SCAF8: variants seen among roughly 807,000 people sequenced by gnomAD.
SCAF8 encodes the protein SR-related and CTD-associated factor 8.
A neutral mutation model predicts 140.5 loss-of-function variants in SCAF8; 23 were observed. The ratio of observed to expected loss-of-function variants is 0.16; its 90% CI spans 0.12 to 0.23. The LOEUF (loss-of-function observed/expected upper bound fraction) is 0.23. Ranked by LOEUF, SCAF8 falls within the 10% of genes least tolerant of loss-of-function variation. The probability of loss-of-function intolerance (pLI) is 1.00; values close to 1 mark genes in which losing one functional copy is unlikely to be tolerated. For synonymous variants in SCAF8, 575 were observed against 528.9 expected (o/e 1.09, Z -1.20); for missense variants, 1,397 against 1,555.7 (o/e 0.90, Z 1.72).
chr6:154,829,332 G>A (rs976087336), intron 18 of SCAF8, among the ~76,000 whole-genome samples: 2 of 150,648 alleles, frequency 1.3e-5, no homozygotes, highest in Non-Finnish European at 1.5e-5. Flanking sequence ...CAAAAGTAAT[G>A]TAATGCAACA....
intron 1 of SCAF8, among the ~76,000 whole-genome samples, chr6:154,766,371 ATTC>A (rs761058175): frequency 6.6e-6 from 1 of 152,142 alleles, no homozygotes; most frequent in East Asian, 1.9e-4. Context: ...CATGGCACCA[ATTC>A]TTCTTCCACC....
intron 3 of SCAF8, among the ~76,000 whole-genome samples, chr6:154,787,565 A>G (rs1777289540): frequency 6.6e-6 from 1 of 152,184 alleles, no homozygotes; most frequent in Non-Finnish European, 1.5e-5. Flanking sequence ...AGCTTTTCAC[A>G]GTGGTTAAAC....
intron 17 of SCAF8, 21 bp from the exon 18 acceptor site, chr6:154,827,151 G>C (rs1356710841): frequency 6.3e-7 from 1 of 1,581,818 alleles, no homozygotes; most frequent in Non-Finnish European, 8.6e-7. Flanking sequence ...GCTATTTTTT[G>C]GGGTTTTTTT....
At chr6:154,825,940 A>G (rs1240417250) in intron 17 of SCAF8, among the ~76,000 whole-genome samples, 1 of 152,202 alleles carries the variant, frequency 6.6e-6, no homozygotes, top group Non-Finnish European at 1.5e-5. Flanking sequence ...TTAGGTCAAA[A>G]CAATATATAT....
chr6:154,790,571 T>C (rs939877350), intron 4 of SCAF8, among the ~76,000 whole-genome samples: 2 of 136,200 alleles, frequency 1.5e-5, no homozygotes, highest in Non-Finnish European at 3.0e-5. Flanking sequence ...AGTGCAGTGG[T>C]GTAATCTCGG....
At chr6:154,808,848 G>T in intron 11 of SCAF8, 50 bp downstream of exon 11, 1 of 1,247,940 alleles carries the variant, frequency 8.0e-7, no homozygotes. Flanking sequence ...TAAAATGTTG[G>T]CTTTATTTCT....
chr6:154,771,511 G>A (rs1351839695), intron 1 of SCAF8, among the ~76,000 whole-genome samples: 1 of 152,134 alleles, frequency 6.6e-6, no homozygotes, highest in Non-Finnish European at 1.5e-5. Flanking sequence ...AGGTTTTTTT[G>A]TATTTATCCA....
At chr6:154,816,575 T>C (rs1056167258) in intron 13 of SCAF8, among the ~76,000 whole-genome samples, 11 of 152,112 alleles carry the variant, frequency 7.2e-5, no homozygotes, top group South Asian at 2.1e-4. Flanking sequence ...GGGAGACATT[T>C]ATCCATCCAT....
intron 1 of SCAF8, among the ~76,000 whole-genome samples, chr6:154,764,514 A>C (rs1776506129): frequency 6.6e-6 from 1 of 152,194 alleles, no homozygotes; most frequent in Admixed American, 6.5e-5. Flanking sequence ...GCATTTAGGA[A>C]GTTCAGAGAG....
At chr6:154,773,495 T>C (rs1776831647) in intron 1 of SCAF8, among the ~76,000 whole-genome samples, 1 of 152,234 alleles carries the variant, frequency 6.6e-6, no homozygotes, top group Non-Finnish European at 1.5e-5. Flanking sequence ...GAATTTTATG[T>C]GAATAGGGCT....
At chr6:154,748,951 CTT>C (rs36071825) in intron 1 of SCAF8, among the ~76,000 whole-genome samples, 4 of 151,562 alleles carry the variant, frequency 2.6e-5, no homozygotes, top group African/African-American at 7.3e-5. Flanking sequence ...AATAAAATGT[CTT>C]TTTTTTTGAG....
chr6:154,762,152 A>G (rs1776421179), intron 1 of SCAF8, among the ~76,000 whole-genome samples: 1 of 152,228 alleles, frequency 6.6e-6, no homozygotes, highest in South Asian at 2.1e-4. Flanking sequence ...TTGCTGTGTA[A>G]CAAATTGTCA....
At chr6:154,795,279 T>TA in intron 6 of SCAF8, 140 bp downstream of exon 6, 1 of 633,194 alleles carries the variant, frequency 1.6e-6, no homozygotes, top group Non-Finnish European at 2.5e-6. Flanking sequence ...CTTTGTTACT[T>TA]ACTTAAGTCA....
Position 154,795,032 on chromosome 6 carries a change from C to T in SCAF8, c.499C>T (p.Pro167Ser). The T allele has an allele frequency of 8.7e-6, 14 of 1,607,238 alleles. No homozygotes were observed. The highest frequency in any genetic ancestry group is 1.2e-5 in the Non-Finnish European group (14 of 1,177,864). Reference protein sequence around the residue: ...TPGTPVTPVTPANVVQGLPDP... With the variant: ...TPGTPVTPVTSANVVQGLPDP... ...AGGAACTCCTGTGACACCTGTTACT[C>T]CGGCCAATGTGGTCCAAGGCTTACC... Residue 167 changes from proline to serine, a missense_variant, in exon 6 of 20, where the codon CCG becomes TCG. Pro to Ser is a moderately conservative substitution (Grantham distance 74). Around this residue, in one of 5 missense-constraint regions of SCAF8, gnomAD observed 339 missense variants for 407.5 expected, o/e 0.83. Transcript: ENST00000367178.
chr6:154,799,004 A>G (rs921355339), intron 6 of SCAF8, among the ~76,000 whole-genome samples: 1 of 150,332 alleles, frequency 6.7e-6, no homozygotes, highest in African/African-American at 2.4e-5. Flanking sequence ...ATTTTTTGAC[A>G]TGGAGTCTTA....
At position 154,795,159 on chromosome 6, in the gene SCAF8, T is replaced by C. The variant is rs1472294357; in HGVS notation, c.606+20T>C. On this transcript the variant is annotated intron_variant, in intron 6 of 19. Transcript: ENST00000367178. ...CAGCAGGTGAGCGGTTTTTCTGTTA[T>C]ATCAAGAATAATTTAGAATTTAATA... The C allele has an allele frequency of 1.9e-6, 3 of 1,585,860 alleles. No homozygotes were observed. The highest frequency in any genetic ancestry group is 2.6e-6 in the Non-Finnish European group (3 of 1,169,652).
In SCAF8 at chr6:154,833,198, A is replaced by G; in HGVS notation, c.3619A>G (p.Lys1207Glu). 1 of 1,614,086 alleles carries G rather than the reference A, an allele frequency of 6.2e-7. No homozygotes were observed. The highest frequency in any genetic ancestry group is 8.5e-7 in the Non-Finnish European group (1 of 1,179,988). ...DYFEGATSQR[K>E]GDNVPQVNGE... The stretch of plus-strand genomic sequence containing the variant: ...TTTTGAAGGGGCCACTTCTCAACGA[A>G]AAGGTGATAATGTGCCTCAGGTTAA... Residue 1207 changes from lysine (K) to glutamate (E), a missense_variant, in exon 20 of 20, where the codon AAA (lysine) becomes GAA (glutamate). Lys to Glu is a moderately conservative substitution (Grantham distance 56). Around this residue, in one of 5 missense-constraint regions of SCAF8, gnomAD observed 930 missense variants for 874.6 expected, o/e 1.06. Transcript: ENST00000367178.
At position 154,733,908 on chromosome 6, in the gene SCAF8, C is replaced by T. The variant is rs765650124; in HGVS notation, c.8C>T (p.Ala3Val). The T allele has an allele frequency of 1.3e-6, 2 of 1,542,510 alleles. No individual in the cohort carries two copies. The highest frequency in any genetic ancestry group is 1.2e-5 in the South Asian group (1 of 83,268). Residue 3 changes from alanine (A) to valine (V), a missense_variant, in exon 1 of 20, where the codon GCC becomes GTC. By Grantham distance (64) the Ala-to-Val change is moderately conservative. This residue lies in a region of SCAF8 where 26 missense variants were observed against 20.9 expected (regional missense o/e 1.25). Coordinates refer to ENST00000367178, the MANE Select transcript of SCAF8 (RefSeq NM_014892.5). ...GGCCTCCGCAGCGACAACATGGAGG[C>T]CGTGAAGACCTTCAATAGCGAGGTT... Reference protein sequence around the residue: MEAVKTFNSELYS... With the variant: MEVVKTFNSELYS...
chr6:154,831,223 C>A (rs1778721615), intron 19 of SCAF8, 83 bp downstream of exon 19: 3 of 766,130 alleles, frequency 3.9e-6, no homozygotes, highest in Non-Finnish European at 6.1e-6. Flanking sequence ...GCGTTTGTAA[C>A]CACTTCAATC....
Sources: gnomAD v4.1 joint callset for allele counts (sites outside exome capture counted in the v4.1 genomes callset) on GRCh38, gnomAD v4.1.1 for gene constraint, gnomAD v4.1.1 regional missense constraint, MANE v1.5 for transcripts, NCBI Gene and HGNC (gene_info 2026-07-23, HGNC 2026-07-21) for gene names.